The following PRKAG2 variants were observed in gnomAD, a reference collection of about 807,000 sequenced individuals.
PRKAG2 encodes 5'-AMP-activated protein kinase subunit gamma-2.
In PRKAG2, 26 loss-of-function variants were observed where a neutral mutation model predicts 69.6. That is an observed-to-expected ratio of 0.37 (90% CI 0.27 to 0.52). PRKAG2 has a LOEUF of 0.52. Among genes scored for constraint, PRKAG2 ranks in the 20% least tolerant of loss-of-function variants. The pLI, the probability that PRKAG2 is intolerant of heterozygous loss-of-function variation, is 0.90. For synonymous variants in PRKAG2, 293 were observed against 285.0 expected, an observed-to-expected ratio of 1.03 and a Z score of -0.28; for missense variants, 557 against 740.0, an observed-to-expected ratio of 0.75 and a Z score of 2.87.
chr7:151,770,911 G>T (rs899856402), intron 3 of PRKAG2, among the ~76,000 whole-genome samples: 3 of 152,154 alleles, frequency 2.0e-5, no homozygotes, highest in Non-Finnish European at 4.4e-5. Context: ...GAGAAGTAGG[G>T]GTTCCAGCCA....
chr7:151,752,187 G>A (rs931364463), intron 3 of PRKAG2, among the ~76,000 whole-genome samples: 3 of 152,212 alleles, frequency 2.0e-5, no homozygotes, highest in Admixed American at 2.0e-4. Context: ...TAAAGAAAAT[G>A]TAGTACATAT....
chr7:151,724,845 C>A (rs548316398), intron 3 of PRKAG2, among the ~76,000 whole-genome samples: 32 of 152,150 alleles, frequency 2.1e-4, no homozygotes, highest in African/African-American at 6.5e-4. Flanking sequence ...CCAGAAAGCA[C>A]CCCCCGAGCC....
intron 1 of PRKAG2, among the ~76,000 whole-genome samples, chr7:151,858,922 C>T (rs1239967043): frequency 5.3e-5 from 8 of 152,140 alleles, no homozygotes; most frequent in East Asian, 3.8e-4. Flanking sequence ...GGCCTTGTCT[C>T]GCCCCTAGGA....
chr7:151,829,782 T>C (rs149867691), intron 1 of PRKAG2, among the ~76,000 whole-genome samples: 3,523 of 151,808 alleles, frequency 0.023, 88 homozygotes, highest in South Asian at 0.054. Context: ...CCAAATATCA[T>C]ACAATTCCTT....
At chr7:151,865,230 C>A (rs1402963603) in intron 1 of PRKAG2, among the ~76,000 whole-genome samples, 1 of 152,190 alleles carries the variant, frequency 6.6e-6, no homozygotes, top group East Asian at 1.9e-4. Flanking sequence ...AGACGGCCTG[C>A]TGGACACACG....
intron 5 of PRKAG2, among the ~76,000 whole-genome samples, chr7:151,627,545 G>A (rs1823287350): frequency 6.6e-6 from 1 of 152,138 alleles, no homozygotes; most frequent in Non-Finnish European, 1.5e-5. Flanking sequence ...AGAATTACTT[G>A]AGCCTGGGAG....
intron 1 of PRKAG2, among the ~76,000 whole-genome samples, chr7:151,867,590 C>G (rs1348470208): frequency 1.3e-5 from 2 of 152,294 alleles, no homozygotes; most frequent in African/African-American, 2.4e-5. Flanking sequence ...TTAATCACAT[C>G]TGCAAAAACC....
intron 5 of PRKAG2, among the ~76,000 whole-genome samples, chr7:151,598,725 T>G (rs1815250233): frequency 6.6e-6 from 1 of 152,212 alleles, no homozygotes. Flanking sequence ...ACATAAATGC[T>G]GTATGGAAAT....
intron 3 of PRKAG2, among the ~76,000 whole-genome samples, chr7:151,700,187 G>A (rs552570315): frequency 3.3e-5 from 5 of 152,322 alleles, no homozygotes; most frequent in African/African-American, 1.2e-4. Context: ...CTGCAGCAGT[G>A]TTTTAAGTTG....
intron 4 of PRKAG2, among the ~76,000 whole-genome samples, chr7:151,667,831 C>G (rs148832346): frequency 6.6e-6 from 1 of 152,136 alleles, no homozygotes; most frequent in Non-Finnish European, 1.5e-5. Context: ...GGTAGGTGAC[C>G]AAAGATGTAG....
At chr7:151,695,351 C>T (rs1349274097) in intron 3 of PRKAG2, among the ~76,000 whole-genome samples, 6 of 152,224 alleles carry the variant, frequency 3.9e-5, no homozygotes, top group Non-Finnish European at 8.8e-5. Context: ...ACTTGATAAA[C>T]ACCCATCCAC....
At chr7:151,675,364 G>A in intron 4 of PRKAG2, 56 bp downstream of exon 4, 1 of 1,524,196 alleles carries the variant, frequency 6.6e-7, no homozygotes, top group Non-Finnish European at 9.1e-7. Flanking sequence ...GGCAATAACT[G>A]CTCTGCCCTC....
At chr7:151,762,760 A>C (rs902249709) in intron 3 of PRKAG2, among the ~76,000 whole-genome samples, 7 of 152,090 alleles carry the variant, frequency 4.6e-5, no homozygotes, top group Admixed American at 1.3e-4. Flanking sequence ...ACTGCTAAAC[A>C]CTGAGGGGTG....
chr7:151,782,161 T>C (rs2076705368), intron 2 of PRKAG2, among the ~76,000 whole-genome samples: 1 of 151,828 alleles, frequency 6.6e-6, no homozygotes, highest in African/African-American at 2.4e-5. Flanking sequence ...CGGGCGCCTG[T>C]AATCCCAGCT....
intron 3 of PRKAG2, among the ~76,000 whole-genome samples, chr7:151,778,981 C>A (rs1284093002): frequency 6.6e-6 from 1 of 151,910 alleles, no homozygotes; most frequent in Non-Finnish European, 1.5e-5. Flanking sequence ...CACACACACA[C>A]CCATATATGC....
chr7:151,565,324 T>G, intron 13 of PRKAG2, 22 bp downstream of exon 13: 1 of 1,369,984 alleles, frequency 7.3e-7, no homozygotes, highest in South Asian at 1.3e-5. Flanking sequence ...GGTGACAGAT[T>G]GAACAAAATT....
intron 4 of PRKAG2, among the ~76,000 whole-genome samples, chr7:151,668,004 T>C (rs1831297449): frequency 6.6e-6 from 1 of 152,242 alleles, no homozygotes; most frequent in African/African-American, 2.4e-5. Flanking sequence ...ATGTGGTTTG[T>C]TCCTGTCAAA....
Position 151,560,582 on chromosome 7 carries a change from A to G in PRKAG2, c.1620T>C (p.Ser540=), listed in dbSNP as rs1196648905. The G allele has an allele frequency of 8.1e-6, 13 of 1,613,792 alleles. No homozygotes were observed. Among genetic ancestry groups the G allele is most frequent in the African/African-American group, 2.7e-5 (2 of 74,894 alleles). ...HRLVVVNEAD[S]IVGIISLSDI... is the part of the protein sequence containing the mutation. The stretch of plus-strand genomic sequence containing the variant: ...CCGACAGGGAAATAATACCCACAAT[A>G]CTATCTGCTTCATTTACCACCACCA... Residue 540 remains serine (S), a synonymous_variant, in exon 15 of 16, where the codon AGT becomes AGC. Transcript: ENST00000287878.
chr7:151,858,714 G>A, intron 1 of PRKAG2, among the ~76,000 whole-genome samples: 1 of 152,240 alleles, frequency 6.6e-6, no homozygotes, highest in African/African-American at 2.4e-5. Context: ...TCGGCTTCCT[G>A]TGATTTGAAA....
Sources: gnomAD v4.1 joint callset for allele counts (sites outside exome capture counted in the v4.1 genomes callset) on GRCh38, gnomAD v4.1.1 for gene constraint, MANE v1.5 for transcripts, NCBI Gene and HGNC (gene_info 2026-07-23, HGNC 2026-07-21) for gene names.